Variants in LINGO2 observed in about 807,000 individuals in gnomAD.
LINGO2 encodes leucine rich repeat and Ig domain containing 2, also known as leucine-rich repeat and immunoglobulin-like domain-containing nogo receptor-interacting protein 2.
In LINGO2, 14 loss-of-function variants were observed where a neutral mutation model predicts 30.6. The observed-to-expected ratio is 0.46, with a 90% CI of 0.30 to 0.72. The LOEUF (loss-of-function observed/expected upper bound fraction) is 0.72. Among genes scored for constraint, LINGO2 ranks in the 30% least tolerant of loss-of-function variants. LINGO2 has a pLI of 0.07. For synonymous variants in LINGO2, 317 were observed against 288.5 expected (o/e 1.10, Z -1.00); for missense variants, 729 against 751.7 (o/e 0.97, Z 0.35).
At chr9:28,149,040 C>A (rs755912843) in intron 4 of LINGO2, 1 of 1,365,584 alleles carries the variant, frequency 7.3e-7, no homozygotes, top group Non-Finnish European at 1.0e-6. Context: ...GGGCCCCCAC[C>A]GGCTAAGCTT....
At chr9:29,174,771 T>C in the LINGO2 span, among the ~76,000 whole-genome samples, 1 of 152,320 alleles carries the variant, frequency 6.6e-6, no homozygotes, top group East Asian at 1.9e-4. Flanking sequence ...TAAATACATG[T>C]CAGGATGTAA....
At chr9:28,039,333 T>C (rs1272303380) in intron 4 of LINGO2, among the ~76,000 whole-genome samples, 1 of 152,246 alleles carries the variant, frequency 6.6e-6, no homozygotes, top group Non-Finnish European at 1.5e-5. Flanking sequence ...AAGTTCTATA[T>C]ATAAACTAAG....
At chr9:28,428,793 A>C (rs1387019293) in intron 2 of LINGO2, among the ~76,000 whole-genome samples, 2 of 152,136 alleles carry the variant, frequency 1.3e-5, no homozygotes, top group African/African-American at 4.8e-5. Context: ...TTGACAACTT[A>C]CTTGAATTTT....
chr9:29,161,415 A>G, the LINGO2 span, among the ~76,000 whole-genome samples: 21 of 152,224 alleles, frequency 1.4e-4, no homozygotes, highest in Non-Finnish European at 2.8e-4. Flanking sequence ...TGAACCTGAC[A>G]TAAGCTTATT....
intron 4 of LINGO2, among the ~76,000 whole-genome samples, chr9:28,233,061 T>TATATATATATATATATA (rs60875467): frequency 5.9e-5 from 7 of 118,802 alleles, no homozygotes; most frequent in Non-Finnish European, 8.4e-5. Flanking sequence ...TATATATATA[T>TATATATATATATATATA]TAGATATATA....
chr9:28,119,020 A>G (rs1827016262), intron 4 of LINGO2, among the ~76,000 whole-genome samples: 1 of 149,170 alleles, frequency 6.7e-6, no homozygotes, highest in Non-Finnish European at 1.5e-5. Flanking sequence ...GTTAAATATA[A>G]TTTTCGTTAA....
chr9:27,956,097 T>C (rs1225697919), intron 5 of LINGO2, among the ~76,000 whole-genome samples: 1 of 152,006 alleles, frequency 6.6e-6, no homozygotes, highest in Non-Finnish European at 1.5e-5. Flanking sequence ...TGCGCCACCA[T>C]GCCTGGCTAA....
the LINGO2 span, among the ~76,000 whole-genome samples, chr9:28,766,991 C>T: frequency 6.6e-6 from 1 of 151,922 alleles, no homozygotes; most frequent in Non-Finnish European, 1.5e-5. Flanking sequence ...GAATGTGTTA[C>T]AGAAAAGTAC....
chr9:29,131,213 A>G, the LINGO2 span, among the ~76,000 whole-genome samples: 3 of 152,250 alleles, frequency 2.0e-5, no homozygotes, highest in South Asian at 6.2e-4. Flanking sequence ...TGAAGTTTCC[A>G]TTCTATGGAA....
chr9:28,014,974 A>G (rs1822753340), intron 4 of LINGO2, among the ~76,000 whole-genome samples: 1 of 152,188 alleles, frequency 6.6e-6, no homozygotes, highest in Non-Finnish European at 1.5e-5. Context: ...TAAAGTTTGT[A>G]CAAAAAATGT....
intron 5 of LINGO2, among the ~76,000 whole-genome samples, chr9:27,981,302 T>A (rs1820841317): frequency 6.6e-6 from 1 of 151,540 alleles, no homozygotes; most frequent in Admixed American, 6.6e-5. Flanking sequence ...GATAATATTA[T>A]CTCCATTTAC....
At chr9:28,824,145 A>T in the LINGO2 span, among the ~76,000 whole-genome samples, 3 of 152,186 alleles carry the variant, frequency 2.0e-5, no homozygotes, top group African/African-American at 7.2e-5. Flanking sequence ...TCACGGTAAT[A>T]ACTGACAAAA....
intron 1 of LINGO2, among the ~76,000 whole-genome samples, chr9:28,588,949 G>A (rs917342273): frequency 3.9e-5 from 6 of 152,012 alleles, no homozygotes; most frequent in African/African-American, 1.4e-4. Context: ...AAAGTAAGAG[G>A]CAGTTTGGGC....
At chr9:28,473,304 T>C (rs1825598639) in intron 2 of LINGO2, among the ~76,000 whole-genome samples, 1 of 152,034 alleles carries the variant, frequency 6.6e-6, no homozygotes, top group Admixed American at 6.6e-5. Flanking sequence ...AGCATTCAAT[T>C]AATGCAATTC....
chr9:29,191,471 GT>G, the LINGO2 span, among the ~76,000 whole-genome samples: 19 of 149,222 alleles, frequency 1.3e-4, no homozygotes, highest in African/African-American at 3.7e-4. Context: ...TTTTGTTTCT[GT>G]TTTTTTTTGG....
At chr9:27,962,269 C>A (rs1250376754) in intron 5 of LINGO2, among the ~76,000 whole-genome samples, 1 of 152,030 alleles carries the variant, frequency 6.6e-6, no homozygotes, top group African/African-American at 2.4e-5. Flanking sequence ...TGCCTATCAC[C>A]AATTAAATAT....
At chr9:28,429,393 C>A (rs1823552544) in intron 2 of LINGO2, among the ~76,000 whole-genome samples, 1 of 152,078 alleles carries the variant, frequency 6.6e-6, no homozygotes, top group Non-Finnish European at 1.5e-5. Context: ...GTGTTAGTCC[C>A]AAAGATATTC....
At chr9:28,541,883 CAT>C (rs1271173655) in intron 1 of LINGO2, among the ~76,000 whole-genome samples, 1 of 151,996 alleles carries the variant, frequency 6.6e-6, no homozygotes, top group Non-Finnish European at 1.5e-5. Context: ...ATATTGGAAA[CAT>C]ATCTTAGTAA....
At chr9:29,004,658 GA>G in the LINGO2 span, among the ~76,000 whole-genome samples, 3 of 151,894 alleles carry the variant, frequency 2.0e-5, no homozygotes, top group East Asian at 5.8e-4. Flanking sequence ...CTAGAAAGAG[GA>G]AAAGATAAAA....
Sources: allele counts gnomAD v4.1 joint callset (sites outside exome capture counted in the v4.1 genomes callset), GRCh38; gene constraint gnomAD v4.1.1; transcripts MANE v1.5; gene names NCBI Gene and HGNC (gene_info 2026-07-23, HGNC 2026-07-21).